Variants in DMD observed in about 807,000 individuals in gnomAD.
The protein encoded by DMD is mutant dystrophin.
In DMD, 63 loss-of-function variants were observed where a neutral mutation model predicts 330.1. The ratio of observed to expected loss-of-function variants is 0.19; its 90% CI spans 0.16 to 0.24. The LOEUF (loss-of-function observed/expected upper bound fraction) is 0.24, where lower values mean the gene tolerates loss of function less well. DMD is among the 10% of genes least tolerant of loss of function. The pLI, the probability that DMD is intolerant of heterozygous loss-of-function variation, is 1.00. For synonymous variants in DMD, 1,223 were observed against 959.8 expected (o/e 1.27, Z -5.07); for missense variants, 3,344 against 2,684.1 (o/e 1.25, Z -5.43).
At chrX:33,162,695 A>G (rs2048827624) in intron 1 of DMD, among the ~76,000 whole-genome samples, 2 of 111,170 alleles carry the variant, frequency 1.8e-5, no homozygotes, top group South Asian at 3.7e-4. Flanking sequence ...CCATAGCCCA[A>G]AAGCTAAAGG....
chrX:32,391,613 C>T (rs1237361086), intron 30 of DMD, among the ~76,000 whole-genome samples: 1 of 111,975 alleles, frequency 8.9e-6, no homozygotes, highest in Non-Finnish European at 1.9e-5. Context: ...ATTACCATAT[C>T]GATGATCTTC....
At chrX:32,530,485 T>C (rs1166653684) in intron 17 of DMD, among the ~76,000 whole-genome samples, 1 of 112,543 alleles carries the variant, frequency 8.9e-6, no homozygotes, top group African/African-American at 3.2e-5. Flanking sequence ...CATTTCAAAA[T>C]TCATTGGTAA....
intron 45 of DMD, among the ~76,000 whole-genome samples, chrX:31,941,669 C>T (rs1245573691): frequency 9.0e-6 from 1 of 111,421 alleles, no homozygotes; most frequent in African/African-American, 3.3e-5. Context: ...GAGCATAGTA[C>T]CCGATAGGTA....
chrX:32,046,138 A>G (rs778796577), intron 44 of DMD, among the ~76,000 whole-genome samples: 1 of 112,801 alleles, frequency 8.9e-6, no homozygotes, highest in East Asian at 2.8e-4. Context: ...AGAAATCATT[A>G]AACAAATAGA....
chrX:32,790,553 C>T (rs2075741821), intron 7 of DMD, among the ~76,000 whole-genome samples: 1 of 111,513 alleles, frequency 9.0e-6, no homozygotes, highest in African/African-American at 3.3e-5. Context: ...ATGTCCTGAC[C>T]TAGGACTAAA....
intron 3 of DMD, among the ~76,000 whole-genome samples, chrX:32,849,265 C>G (rs1232202799): frequency 9.0e-6 from 1 of 111,517 alleles, no homozygotes; most frequent in African/African-American, 3.3e-5. Context: ...CAGGAATGCT[C>G]TGAAGTTAGA....
At chrX:32,976,129 G>A (rs1375685840) in intron 2 of DMD, among the ~76,000 whole-genome samples, 1 of 110,751 alleles carries the variant, frequency 9.0e-6, no homozygotes, top group Non-Finnish European at 1.9e-5. Context: ...GCTGAGGCAG[G>A]AGAATCGCTT....
chrX:32,222,741 T>C (rs1278145207), intron 43 of DMD, among the ~76,000 whole-genome samples: 2 of 111,627 alleles, frequency 1.8e-5, no homozygotes, highest in Non-Finnish European at 3.8e-5. Flanking sequence ...TGGTGGGGAA[T>C]AGACCCACCC....
intron 2 of DMD, among the ~76,000 whole-genome samples, chrX:32,965,216 G>C (rs1250379788): frequency 3.6e-5 from 4 of 111,601 alleles, no homozygotes; most frequent in Non-Finnish European, 5.6e-5. Context: ...CCGGGGCTGG[G>C]TGCGGTGGCT....
chrX:33,145,431 C>G (rs1250119083), intron 1 of DMD, among the ~76,000 whole-genome samples: 1 of 111,429 alleles, frequency 9.0e-6, no homozygotes, highest in Non-Finnish European at 1.9e-5. Flanking sequence ...ACACTTTTAT[C>G]TGATATGTTT....
intron 17 of DMD, among the ~76,000 whole-genome samples, chrX:32,532,162 A>G (rs1045845754): frequency 5.4e-5 from 6 of 111,639 alleles, no homozygotes; most frequent in African/African-American, 2.0e-4. Flanking sequence ...AATTATATGG[A>G]AATTCCACTT....
intron 2 of DMD, among the ~76,000 whole-genome samples, chrX:32,892,548 C>T (rs1157492774): frequency 9.0e-6 from 1 of 111,151 alleles, no homozygotes; most frequent in African/African-American, 3.3e-5. Flanking sequence ...CACCTGCCAC[C>T]ACACCCGGCT....
chrX:31,461,643 A>T (rs772466993), intron 59 of DMD, among the ~76,000 whole-genome samples: 1 of 111,695 alleles, frequency 9.0e-6, no homozygotes, highest in African/African-American at 3.3e-5. Context: ...AATTCTGATG[A>T]ACAGCTATCA....
In DMD at chrX:32,408,865, C is replaced by CATCTATCTATCT. The variant is rs10559613; in HGVS notation, c.4233+2875_4233+2886dup. ...TTCTATTCCTTTCTTTTCTTTCTTT[C>CATCTATCTATCT]ATCTATCTATCTATCTATCTATCTA... is the stretch of plus-strand genomic sequence containing the variant. On this transcript the variant is annotated intron_variant, in intron 30 of 78. Transcript: ENST00000357033. Among the ~76,000 whole-genome samples, 580 of 96,924 alleles carry CATCTATCTATCT rather than the reference C, an allele frequency of 6.0e-3. 3 individuals are homozygous for CATCTATCTATCT. The highest frequency in any genetic ancestry group is 9.3e-3 in the Admixed American group (80 of 8,585). The allele number at this position is 96,924 out of a possible 115,157, so 84.2% of individuals were successfully genotyped here. A position where few individuals can be genotyped will look rare whatever the true frequency, so the allele number is the denominator to read the frequency against.
At chrX:31,686,720 A>G (rs2082710792) in intron 52 of DMD, among the ~76,000 whole-genome samples, 1 of 111,907 alleles carries the variant, frequency 8.9e-6, no homozygotes, top group African/African-American at 3.2e-5. Context: ...GGCATATCCT[A>G]TTGCCTGTGT....
intron 1 of DMD, among the ~76,000 whole-genome samples, chrX:33,173,842 C>G (rs1000870320): frequency 9.1e-6 from 1 of 109,776 alleles, no homozygotes; most frequent in African/African-American, 3.3e-5. Context: ...TACATTTCAC[C>G]AAATCACCCT....
intron 17 of DMD, among the ~76,000 whole-genome samples, chrX:32,527,918 C>G (rs2047070618): frequency 1.8e-5 from 2 of 111,612 alleles, no homozygotes; most frequent in South Asian, 7.5e-4. Context: ...GATAGGGCCA[C>G]ATGATTGTCT....
intron 55 of DMD, among the ~76,000 whole-genome samples, chrX:31,586,259 A>G (rs926841268): frequency 8.9e-6 from 1 of 112,800 alleles, no homozygotes; most frequent in Non-Finnish European, 1.9e-5. Flanking sequence ...ATCTCAGGAC[A>G]ATGATTAGCA....
chrX:32,736,321 C>A (rs1421218432), intron 7 of DMD, among the ~76,000 whole-genome samples: 1 of 111,404 alleles, frequency 9.0e-6, no homozygotes, highest in Non-Finnish European at 1.9e-5. Context: ...GTTGGTGGGA[C>A]TGTAAACTAG....
Sources: allele counts gnomAD v4.1 joint callset (sites outside exome capture counted in the v4.1 genomes callset), GRCh38; gene constraint gnomAD v4.1.1; transcripts MANE v1.5; gene names NCBI Gene and HGNC (gene_info 2026-07-23, HGNC 2026-07-21).